Variants in AGBL1 observed in about 807,000 individuals in gnomAD.
AGBL1 encodes the protein AGBL carboxypeptidase 1, also known as cytosolic carboxypeptidase 4.
Under a neutral mutation model 118.9 loss-of-function variants are expected in AGBL1, and 130 were observed. That is an observed-to-expected ratio of 1.09 (90% CI 0.95 to 1.26). The LOEUF is 1.26. Ranked by LOEUF, AGBL1 falls within the 50% of genes most tolerant of loss-of-function variation. The pLI is 0.00. For missense variants in AGBL1, 1,584 were observed against 1,298.1 expected (o/e 1.22, Z -3.38); for synonymous variants, 555 against 478.9 (o/e 1.16, Z -2.08).
At chr15:86,962,488 A>C (rs2081002733) in intron 23 of AGBL1, among the ~76,000 whole-genome samples, 1 of 152,068 alleles carries the variant, frequency 6.6e-6, no homozygotes, top group Admixed American at 6.6e-5. Flanking sequence ...GTTTACTATC[A>C]TGCCACATAT....
chr15:86,417,761 T>A (rs2081716646), intron 18 of AGBL1, among the ~76,000 whole-genome samples: 1 of 152,180 alleles, frequency 6.6e-6, no homozygotes, highest in East Asian at 1.9e-4. Context: ...CATGAGAGAC[T>A]GGCATGTTCA....
chr15:86,137,092 T>C (rs1466218416), intron 1 of AGBL1, among the ~76,000 whole-genome samples: 1 of 152,242 alleles, frequency 6.6e-6, no homozygotes, highest in Non-Finnish European at 1.5e-5. Flanking sequence ...GTGTTATTCT[T>C]CTAAATAGTG....
At chr15:86,639,068 C>A (rs902503507) in intron 21 of AGBL1, among the ~76,000 whole-genome samples, 4 of 152,160 alleles carry the variant, frequency 2.6e-5, no homozygotes, top group Non-Finnish European at 4.4e-5. Flanking sequence ...TCTAGGCAAG[C>A]GAGAAGGCAA....
intron 21 of AGBL1, among the ~76,000 whole-genome samples, chr15:86,587,002 T>C (rs2084258409): frequency 6.6e-6 from 1 of 152,132 alleles, no homozygotes; most frequent in Non-Finnish European, 1.5e-5. Context: ...GAAAGGCATA[T>C]GAGGAAGTAA....
intron 19 of AGBL1, among the ~76,000 whole-genome samples, chr15:86,542,356 ATTTTTTTTTTTTT>A (rs71144054): frequency 3.4e-5 from 4 of 116,376 alleles, no homozygotes; most frequent in Non-Finnish European, 5.1e-5. Flanking sequence ...CACCATTGAG[ATTTTTTTTTTTTT>A]TTTTTTTTTT....
chr15:86,954,323 C>T (rs1437355084), intron 23 of AGBL1, among the ~76,000 whole-genome samples: 2 of 152,090 alleles, frequency 1.3e-5, no homozygotes, highest in Non-Finnish European at 2.9e-5. Context: ...ATAAATTATC[C>T]TATTCTACCA....
At position 86,615,252 on chromosome 15, in the gene AGBL1, A is replaced by G. The variant is rs762013602; in HGVS notation, c.2995-59021A>G. On this transcript the variant is annotated intron_variant, in intron 21 of 22. Coordinates refer to ENST00000614907, the MANE Select transcript of AGBL1 (RefSeq NM_001386094.1). The surrounding 1 kb of genome is among the most constrained non-coding windows in gnomAD (Gnocchi z 4.3). ...TTGGAAGTAGAGTAGAGGGCCAGGG[A>G]GACTAAAAACAGACTATTGACTAAA... Among the ~76,000 whole-genome samples the G allele has an allele frequency of 1.3e-5, 2 of 152,146 alleles. No homozygotes were observed. The highest frequency in any genetic ancestry group is 2.9e-5 in the Non-Finnish European group (2 of 68,026).
intron 18 of AGBL1, among the ~76,000 whole-genome samples, chr15:86,457,983 G>A (rs960430925): frequency 7.9e-5 from 12 of 152,048 alleles, no homozygotes; most frequent in East Asian, 1.9e-4. Context: ...GAAGGCTGAC[G>A]GAATAAAAGT....
chr15:86,876,127 G>A (rs113757801), intron 22 of AGBL1, among the ~76,000 whole-genome samples: 1,755 of 152,274 alleles, frequency 0.012, 16 homozygotes, highest in African/African-American at 0.019. Flanking sequence ...ATATTGTAGG[G>A]TGGAACATTT....
chr15:86,132,737 C>G (rs1445050952), intron 1 of AGBL1, among the ~76,000 whole-genome samples: 1 of 152,152 alleles, frequency 6.6e-6, no homozygotes, highest in Non-Finnish European at 1.5e-5. Flanking sequence ...CACGAACGTG[C>G]CGGGCATTGT....
chr15:86,804,073 G>T (rs2078686879), intron 22 of AGBL1, among the ~76,000 whole-genome samples: 1 of 152,074 alleles, frequency 6.6e-6, no homozygotes, highest in South Asian at 2.1e-4. Flanking sequence ...CCCTAAGAAA[G>T]CCAAGTACAG....
intron 22 of AGBL1, among the ~76,000 whole-genome samples, chr15:86,870,675 A>G (rs917399580): frequency 2.6e-5 from 4 of 152,218 alleles, no homozygotes; most frequent in Non-Finnish European, 5.9e-5. Context: ...AGCAGAGAAA[A>G]AAAAGGCATC....
chr15:86,270,945 G>A (rs559748873), intron 14 of AGBL1, among the ~76,000 whole-genome samples: 9 of 151,758 alleles, frequency 5.9e-5, no homozygotes, highest in Non-Finnish European at 1.0e-4. Flanking sequence ...AGCTTCTAGA[G>A]TAGCATTCTC....
intron 5 of AGBL1, among the ~76,000 whole-genome samples, chr15:86,223,074 T>A (rs1163072498): frequency 6.6e-6 from 1 of 152,198 alleles, no homozygotes; most frequent in Non-Finnish European, 1.5e-5. Context: ...AATGTGGCTT[T>A]AACCCATCCC....
At chr15:86,181,294 AC>A (rs1368521054) in intron 5 of AGBL1, among the ~76,000 whole-genome samples, 1 of 152,124 alleles carries the variant, frequency 6.6e-6, no homozygotes, top group East Asian at 1.9e-4. Flanking sequence ...TGGTGAATAA[AC>A]TGTAATGTTT....
At chr15:86,702,580 C>G (rs1050450174) in intron 22 of AGBL1, among the ~76,000 whole-genome samples, 1 of 152,170 alleles carries the variant, frequency 6.6e-6, no homozygotes, top group Non-Finnish European at 1.5e-5. Flanking sequence ...GAACTACTTT[C>G]AACAGGGACA....
In AGBL1 at chr15:86,181,320, A is replaced by G. The variant is rs1441250616; in HGVS notation, c.488+22294A>G. 2.6e-5 allele frequency among the ~76,000 whole-genome samples: 4 copies of G among 152,226 alleles called. No individual in the cohort carries two copies. The South Asian group carries it at 8.3e-4, about 32-fold the overall frequency. ...CTGTAATGTTTTCATACAATAGAAT[A>G]TTGTTCAACAATACAAAGAGAAAAT... On this transcript the variant is annotated intron_variant, in intron 5 of 22. Transcript: ENST00000614907.
intron 19 of AGBL1, 84 bp downstream of exon 19, chr15:86,523,023 A>G (rs2083211147): frequency 6.7e-7 from 1 of 1,499,964 alleles, no homozygotes; most frequent in Admixed American, 1.7e-5. Flanking sequence ...CAAGGCAAGA[A>G]TAGACAATGA....
At chr15:86,744,813 T>C (rs765308215) in intron 22 of AGBL1, among the ~76,000 whole-genome samples, 8 of 152,196 alleles carry the variant, frequency 5.3e-5, no homozygotes, top group Non-Finnish European at 1.2e-4. Flanking sequence ...GGGTTGTTTG[T>C]CTTTGCCTTT....
Sources: gnomAD v4.1 joint callset for allele counts (sites outside exome capture counted in the v4.1 genomes callset) on GRCh38, gnomAD v4.1.1 for gene constraint, Gnocchi (gnomAD v3.1) non-coding constraint, MANE v1.5 for transcripts, NCBI Gene and HGNC (gene_info 2026-07-23, HGNC 2026-07-21) for gene names.